The following BBX variants were observed in gnomAD, a reference collection of about 807,000 sequenced individuals.
BBX encodes BBX high mobility group box domain containing.
Under a neutral mutation model 100.2 loss-of-function variants are expected in BBX, and 30 were observed. The observed-to-expected ratio is 0.30, with a 90% CI of 0.22 to 0.41. The LOEUF (loss-of-function observed/expected upper bound fraction) is 0.41. BBX is among the 10% of genes least tolerant of loss of function. BBX has a pLI of 1.00. For synonymous variants in BBX, 376 were observed against 388.1 expected (o/e 0.97, Z 0.37); for missense variants, 1,023 against 1,129.8 (o/e 0.91, Z 1.35).
chr3:107,758,143 A>G (rs2065630692), intron 10 of BBX, among the ~76,000 whole-genome samples: 1 of 152,210 alleles, frequency 6.6e-6, no homozygotes, highest in Admixed American at 6.5e-5. Flanking sequence ...TTCTTTATCT[A>G]TGTCCCATGT....
chr3:107,566,663 A>G (rs1024055248), intron 2 of BBX, among the ~76,000 whole-genome samples: 1 of 151,002 alleles, frequency 6.6e-6, no homozygotes. Context: ...AGTTTTTATA[A>G]TTTATATTTT....
chr3:107,523,988 G>A (rs1042354149), intron 1 of BBX: 1 of 152,012 alleles, frequency 6.6e-6, no homozygotes, highest in Non-Finnish European at 1.5e-5. Flanking sequence ...GGAGGGAAGG[G>A]GGGGGAGAGA....
At chr3:107,632,376 C>T (rs1184192791) in intron 2 of BBX, among the ~76,000 whole-genome samples, 5 of 152,100 alleles carry the variant, frequency 3.3e-5, no homozygotes, top group Non-Finnish European at 7.4e-5. Context: ...TGAGCTACCA[C>T]GCCTGGCCTT....
At chr3:107,570,265 T>G (rs2051253086) in intron 2 of BBX, among the ~76,000 whole-genome samples, 1 of 152,202 alleles carries the variant, frequency 6.6e-6, no homozygotes, top group South Asian at 2.1e-4. Context: ...GTTCTATTAT[T>G]GTACACCTTG....
At chr3:107,541,526 C>T (rs1277573441) in intron 2 of BBX, among the ~76,000 whole-genome samples, 1 of 152,080 alleles carries the variant, frequency 6.6e-6, no homozygotes, top group Non-Finnish European at 1.5e-5. Flanking sequence ...GAAAGACTGT[C>T]CATTTGACTT....
At chr3:107,580,799 T>C (rs940751307) in intron 2 of BBX, among the ~76,000 whole-genome samples, 2 of 152,132 alleles carry the variant, frequency 1.3e-5, no homozygotes, top group African/African-American at 4.8e-5. Context: ...GCCTGGCTAA[T>C]TTTGTATTTT....
chr3:107,752,761 C>G (rs944377628), intron 9 of BBX, among the ~76,000 whole-genome samples: 6 of 152,140 alleles, frequency 3.9e-5, no homozygotes, highest in Non-Finnish European at 7.4e-5. Flanking sequence ...AAGCCCTATC[C>G]AATTTGAGGA....
Position 107,778,366 on chromosome 3 carries a change from A to C in BBX, c.2055-5A>C. The stretch of plus-strand genomic sequence containing the variant: ...CTGATTGATTCCCCTCTCCCCTTTT[A>C]ATAGCTCCGCAAAGCTGGATGAAGA... On this transcript the variant is annotated splice_region_variant and splice_polypyrimidine_tract_variant and intron_variant, in intron 12 of 17. Coordinates refer to ENST00000325805, the MANE Select transcript of BBX (RefSeq NM_001142568.3). 6.2e-7 allele frequency: 1 copy of C among 1,613,034 alleles called. No individual in the cohort carries two copies. Among genetic ancestry groups the C allele is most frequent in the Non-Finnish European group, 8.5e-7 (1 of 1,179,312 alleles).
intron 2 of BBX, among the ~76,000 whole-genome samples, chr3:107,618,542 G>A (rs1218091729): frequency 2.0e-5 from 3 of 151,894 alleles, no homozygotes; most frequent in Non-Finnish European, 2.9e-5. Context: ...AGTGCTACAG[G>A]TTCCCGTTTG....
At chr3:107,640,084 G>A (rs918550095) in intron 2 of BBX, among the ~76,000 whole-genome samples, 1 of 152,046 alleles carries the variant, frequency 6.6e-6, no homozygotes, top group Non-Finnish European at 1.5e-5. Context: ...AATTCTGAAG[G>A]CAACAATTAG....
At chr3:107,740,364 T>G (rs540364937) in intron 7 of BBX, among the ~76,000 whole-genome samples, 13 of 151,952 alleles carry the variant, frequency 8.6e-5, no homozygotes, top group Non-Finnish European at 1.9e-4. Flanking sequence ...CTGACCCCTT[T>G]CCCTCAGCTC....
intron 17 of BBX, among the ~76,000 whole-genome samples, chr3:107,804,729 C>T (rs1263482061): frequency 6.6e-6 from 1 of 151,856 alleles, no homozygotes; most frequent in Non-Finnish European, 1.5e-5. Flanking sequence ...ATCTAAAATC[C>T]AGCATCAGTG....
chr3:107,641,557 A>C (rs1258862414), intron 2 of BBX, among the ~76,000 whole-genome samples: 1 of 152,242 alleles, frequency 6.6e-6, no homozygotes, highest in Non-Finnish European at 1.5e-5. Flanking sequence ...GAATCCAAAC[A>C]AATGGACAAA....
chr3:107,730,274 A>G (rs533819597), intron 6 of BBX, among the ~76,000 whole-genome samples: 6 of 152,300 alleles, frequency 3.9e-5, no homozygotes, highest in African/African-American at 1.2e-4. Flanking sequence ...TTTTAGCTTC[A>G]AATCATTTGT....
intron 15 of BBX, among the ~76,000 whole-genome samples, chr3:107,795,379 G>C (rs2069518008): frequency 6.6e-6 from 1 of 152,156 alleles, no homozygotes; most frequent in Admixed American, 6.5e-5. Flanking sequence ...GCTGTCCTCA[G>C]TCTAAACCAC....
chr3:107,688,675 T>C (rs976210142), intron 3 of BBX, among the ~76,000 whole-genome samples: 1 of 152,172 alleles, frequency 6.6e-6, no homozygotes, highest in African/African-American at 2.4e-5. Context: ...TTCCAAATGG[T>C]TTTATTATTA....
intron 2 of BBX, among the ~76,000 whole-genome samples, chr3:107,585,226 C>G (rs1467549092): frequency 6.6e-6 from 1 of 151,978 alleles, no homozygotes; most frequent in African/African-American, 2.4e-5. Flanking sequence ...GAGAGGTGTT[C>G]TGGAGGAATG....
chr3:107,612,783 CAG>C (rs1423637511), intron 2 of BBX, among the ~76,000 whole-genome samples: 10 of 152,192 alleles, frequency 6.6e-5, no homozygotes, highest in African/African-American at 2.4e-4. Flanking sequence ...TAGGGCTCCA[CAG>C]TCAGCAGATA....
At chr3:107,732,679 A>T (rs1035941428) in intron 6 of BBX, among the ~76,000 whole-genome samples, 1 of 152,234 alleles carries the variant, frequency 6.6e-6, no homozygotes, top group African/African-American at 2.4e-5. Context: ...ACATTGCATT[A>T]GGAGATAAAT....
Sources: allele counts gnomAD v4.1 joint callset (sites outside exome capture counted in the v4.1 genomes callset), GRCh38; gene constraint gnomAD v4.1.1; transcripts MANE v1.5; gene names NCBI Gene and HGNC (gene_info 2026-07-23, HGNC 2026-07-21).